Variants in HIP1R observed in about 807,000 individuals in gnomAD.
HIP1R encodes huntingtin-interacting protein 1-related protein.
Under a neutral mutation model 144.2 loss-of-function variants are expected in HIP1R, and 135 were observed. The observed-to-expected ratio is 0.94, with a 90% CI of 0.81 to 1.08. The LOEUF is 1.08. Ranked by LOEUF, HIP1R falls within the 50% of genes least tolerant of loss-of-function variation. The probability of loss-of-function intolerance (pLI) is 0.00; values close to 1 mark genes in which losing one functional copy is unlikely to be tolerated. For synonymous variants in HIP1R, 698 were observed against 612.8 expected, an observed-to-expected ratio of 1.14 and a Z score of -2.05; for missense variants, 1,462 against 1,432.8, an observed-to-expected ratio of 1.02 and a Z score of -0.33.
chr12:122,859,508 C>T lies in HIP1R; in HGVS notation c.2378C>T (p.Ala793Val). ...VDKEMAATSA[A>V]IEDAVRRIED... Reference sequence around the variant, plus strand: ...AAGGAGATGGCGGCCACATCCGCAGCCATTGAAGATGCTGTGCGGAGGATT... The same window carrying T: ...AAGGAGATGGCGGCCACATCCGCAGTCATTGAAGATGCTGTGCGGAGGATT... The change falls in exon 23 of 32, where the codon GCC (alanine) becomes GTC (valine). Residue 793 changes from alanine (A) to valine (V), a missense_variant. Physicochemically the swap from Ala to Val is moderately conservative, Grantham distance 64. Coordinates refer to ENST00000253083, the MANE Select transcript of HIP1R (RefSeq NM_003959.3). The T allele has an allele frequency of 6.2e-7, 1 of 1,613,056 alleles. No homozygotes were observed.
rs756129539 is a variant in HIP1R at position 122,858,262 on chromosome 12, G to T, written c.1963+13G>T. Reference sequence around the variant, plus strand: ...ACCAGCTCCCCAGGTAGACAGTGGGGCCACACTCAGCCGCTCCCCTGCCTC... The same window carrying T: ...ACCAGCTCCCCAGGTAGACAGTGGGTCCACACTCAGCCGCTCCCCTGCCTC... On this transcript the variant is annotated intron_variant, in intron 19 of 31. Coordinates refer to ENST00000253083, the MANE Select transcript of HIP1R (RefSeq NM_003959.3). The T allele has an allele frequency of 3.0e-5, 48 of 1,577,982 alleles. 1 individual carries two copies. In the South Asian group the frequency reaches 4.8e-4, roughly 16 times the overall value.
intron 8 of HIP1R, among the ~76,000 whole-genome samples, chr12:122,854,637 A>G (rs1358891536): frequency 6.6e-6 from 1 of 152,234 alleles, no homozygotes; most frequent in Non-Finnish European, 1.5e-5. Context: ...GCGGCTTGCT[A>G]GTGCCTCCCG....
intron 15 of HIP1R, 36 bp from the exon 16 acceptor site, chr12:122,856,396 G>A (rs1566111541): frequency 6.2e-7 from 1 of 1,608,236 alleles, no homozygotes. Context: ...TCTCGGGGAT[G>A]GCAGCAGAGC....
chr12:122,851,365 A>T lies in HIP1R; in HGVS notation c.577+68A>T, dbSNP rs1341662317. The T allele has an allele frequency of 3.0e-6, 4 of 1,333,364 alleles. No homozygotes were observed. In the East Asian group the frequency reaches 1.1e-4, roughly 36 times the overall value. The allele number at this position is 1,333,364 out of a possible 1,614,324, so 82.6% of individuals were successfully genotyped here. A position where few individuals can be genotyped will look rare whatever the true frequency, so the allele number is the denominator to read the frequency against. On this transcript the variant is annotated intron_variant, in intron 7 of 31. Transcript: ENST00000253083. ...AAGTCCCCAGAGATGGGACGAGAAG[A>T]AAAAAGAAGACATGAGTGATCAGAC...
intron 17 of HIP1R, 82 bp from the exon 18 acceptor site, chr12:122,856,939 G>T: frequency 7.5e-7 from 1 of 1,329,946 alleles, no homozygotes; most frequent in Non-Finnish European, 1.0e-6. Flanking sequence ...TAACCCCCAG[G>T]GCCCAGTTTA....
chr12:122,856,167 C>T lies in HIP1R; in HGVS notation c.1312+4C>T, dbSNP rs773219497. Reference sequence around the variant, plus strand: ...GGCCTGCGTGAGGAGGCTGAGAGTACGTGGGGCCTTGGCCACAGGGGTCCA... The same window carrying T: ...GGCCTGCGTGAGGAGGCTGAGAGTATGTGGGGCCTTGGCCACAGGGGTCCA... On this transcript the variant is annotated splice_donor_region_variant and intron_variant, in intron 14 of 31. Transcript: ENST00000253083. 52 of 1,605,856 alleles carry T rather than the reference C, an allele frequency of 3.2e-5. No individual in the cohort carries two copies. The highest frequency in any genetic ancestry group is 9.0e-5 in the East Asian group (4 of 44,504).
chr12:122,849,136 G>A (rs1316259189), intron 4 of HIP1R, among the ~76,000 whole-genome samples: 2 of 152,278 alleles, frequency 1.3e-5, no homozygotes, highest in Non-Finnish European at 2.9e-5. Flanking sequence ...GCACCTCGGT[G>A]GTTAGAGAGC....
At position 122,854,886 on chromosome 12, in the gene HIP1R, C is replaced by T; in HGVS notation, c.719-19C>T. On this transcript the variant is annotated intron_variant, in intron 8 of 31. Transcript: ENST00000253083. ...AGCAGTGTGCAGAGAAGTCCTGTTACACTTGTGCCACCCTCCAGGTCTCCC... is the reference window on the plus strand; with the variant it reads ...AGCAGTGTGCAGAGAAGTCCTGTTATACTTGTGCCACCCTCCAGGTCTCCC... 6.2e-7 allele frequency: 1 copy of T among 1,611,812 alleles called. No homozygotes were observed. The highest frequency in any genetic ancestry group is 8.5e-7 in the Non-Finnish European group (1 of 1,179,240).
Position 122,859,417 on chromosome 12 carries a change from C to A in HIP1R, c.2296-9C>A. 1.2e-6 allele frequency: 2 copies of A among 1,610,054 alleles called. No homozygotes were observed. Among genetic ancestry groups the A allele is most frequent in the African/African-American group, 1.3e-5 (1 of 74,972 alleles). ...GAGGCTACCCCTGTCTGACTCCCATCCTCACCAGGAACTGAAACCCAAGAG... is the reference window on the plus strand; with the variant it reads ...GAGGCTACCCCTGTCTGACTCCCATACTCACCAGGAACTGAAACCCAAGAG... On this transcript the variant is annotated splice_polypyrimidine_tract_variant and intron_variant, in intron 22 of 31. Coordinates refer to ENST00000253083, the MANE Select transcript of HIP1R (RefSeq NM_003959.3).
chr12:122,856,750 A>C (rs897385), intron 17 of HIP1R, 24 bp downstream of exon 17: 2 of 1,541,036 alleles, frequency 1.3e-6, no homozygotes, highest in Non-Finnish European at 1.8e-6. Flanking sequence ...TGATGACTGG[A>C]GGTGGGGTTC....
intron 17 of HIP1R, 127 bp from the exon 18 acceptor site, chr12:122,856,894 C>T: frequency 9.3e-7 from 1 of 1,074,240 alleles, no homozygotes; most frequent in South Asian, 1.5e-5. Context: ...TACCGCTGGT[C>T]CTCAGGGAGC....
chr12:122,845,434 T>G (rs1187094889), intron 1 of HIP1R, among the ~76,000 whole-genome samples: 5 of 152,196 alleles, frequency 3.3e-5, no homozygotes, highest in Non-Finnish European at 5.9e-5. Flanking sequence ...AGGGCCCTGC[T>G]GCCACGGATC....
rs2033786497 is a variant in HIP1R, at chr12:122,862,025, AAT to A, written c.*274_*275del. 1 of 462,370 alleles carries A rather than the reference AAT, an allele frequency of 2.2e-6. No individual in the cohort carries two copies. The highest frequency in any genetic ancestry group is 3.4e-5 in the East Asian group (1 of 29,086). The allele number at this position is 462,370 out of a possible 1,614,324, so 28.6% of individuals were successfully genotyped here. Reference sequence around the variant, plus strand: ...AGGCCTGAGCCTCAACTCTTCAGAAAATAGTGTTTTTAATATTCCTCTTCAGA... The same window carrying A: ...AGGCCTGAGCCTCAACTCTTCAGAAAAGTGTTTTTAATATTCCTCTTCAGA... On this transcript the variant is annotated 3_prime_UTR_variant, in exon 32 of 32. Coordinates refer to ENST00000253083, the MANE Select transcript of HIP1R (RefSeq NM_003959.3).
Position 122,844,004 on chromosome 12 carries a change from C to T in HIP1R, c.94-4027C>T, listed in dbSNP as rs376962415. On this transcript the variant is annotated intron_variant, in intron 1 of 31. Transcript: ENST00000253083. ...GATTACAGGCACACACCACCATGCC[C>T]GGCTAATTTTTGTATTTTTAGTGGG... Among the ~76,000 whole-genome samples, 10 of 152,200 alleles carry T rather than the reference C, an allele frequency of 6.6e-5. No individual in the cohort carries two copies. In the East Asian group the frequency reaches 9.7e-4, roughly 15 times the overall value.
chr12:122,848,435 T>A (rs1254484537), intron 2 of HIP1R, 31 bp from the exon 3 acceptor site: 1 of 1,591,534 alleles, frequency 6.3e-7, no homozygotes, highest in Non-Finnish European at 8.6e-7. Flanking sequence ...TGCTCCAGTC[T>A]CTGCTTCCAC....
Position 122,858,830 on chromosome 12 carries a change from C to T in HIP1R, c.2051-8C>T. ...CTCCCCCAACCTTGGCCCCACCCACCCGCACAGACGCCTCCGCCCTGGTGG... is the reference window on the plus strand; with the variant it reads ...CTCCCCCAACCTTGGCCCCACCCACTCGCACAGACGCCTCCGCCCTGGTGG... On this transcript the variant is annotated splice_polypyrimidine_tract_variant and splice_region_variant and intron_variant, in intron 20 of 31. Coordinates refer to ENST00000253083, the MANE Select transcript of HIP1R (RefSeq NM_003959.3). 6.2e-7 allele frequency: 1 copy of T among 1,608,950 alleles called. No homozygotes were observed. Among genetic ancestry groups the T allele is most frequent in the Non-Finnish European group, 8.5e-7 (1 of 1,176,572 alleles).
chr12:122,860,362 C>CCCTG, intron 26 of HIP1R, 61 bp from the exon 27 acceptor site: 1 of 1,589,084 alleles, frequency 6.3e-7, no homozygotes, highest in Non-Finnish European at 8.6e-7. Flanking sequence ...CCTTGAGGGC[C>CCCTG]ACTTTCCACC....
At chr12:122,856,934 C>A (rs2033600389) in intron 17 of HIP1R, 87 bp from the exon 18 acceptor site, 1 of 1,334,758 alleles carries the variant, frequency 7.5e-7, no homozygotes, top group East Asian at 2.5e-5. Flanking sequence ...ATCACTAACC[C>A]CCAGGGCCCA....
intron 28 of HIP1R, 57 bp downstream of exon 28, chr12:122,860,841 T>TGTGGCTGCCAAGCCC: frequency 6.3e-7 from 1 of 1,597,470 alleles, no homozygotes; most frequent in Non-Finnish European, 8.5e-7. Flanking sequence ...TGGCCTGGGC[T>TGTGGCTGCCAAGCCC]GTGGCTGCCA....
Sources: gnomAD v4.1 joint callset for allele counts (sites outside exome capture counted in the v4.1 genomes callset) on GRCh38, gnomAD v4.1.1 for gene constraint, MANE v1.5 for transcripts, NCBI Gene and HGNC (gene_info 2026-07-23, HGNC 2026-07-21) for gene names.